The following RCC1 variants were observed in gnomAD, a reference collection of about 807,000 sequenced individuals.
RCC1 encodes the protein regulator of chromosome condensation 1, also known as regulator of chromosome condensation.
A neutral mutation model predicts 44.4 loss-of-function variants in RCC1; 11 were observed. The ratio of observed to expected loss-of-function variants is 0.25; its 90% CI spans 0.16 to 0.41. The LOEUF is 0.41. Among genes scored for constraint, RCC1 ranks in the 10% least tolerant of loss-of-function variants. RCC1 has a pLI of 1.00. For synonymous variants in RCC1, 213 were observed against 216.5 expected (o/e 0.98, Z 0.14); for missense variants, 386 against 547.1 (o/e 0.71, Z 2.94).
At chr1:28,532,931 T>A (rs1664268096) in intron 7 of RCC1, among the ~76,000 whole-genome samples, 1 of 152,094 alleles carries the variant, frequency 6.6e-6, no homozygotes, top group African/African-American at 2.4e-5. Flanking sequence ...TTCTCCTGCC[T>A]CAGCCTCCCA....
intron 4 of RCC1, chr1:28,527,189 C>G: frequency 8.8e-7 from 1 of 1,133,430 alleles, no homozygotes; most frequent in Non-Finnish European, 1.3e-6. Flanking sequence ...ACATGCCGGG[C>G]AACTGATGCT....
Position 28,529,934 on chromosome 1 carries a change from T to G in RCC1, c.68T>G (p.Val23Gly). 1 of 1,613,570 alleles carries G rather than the reference T, an allele frequency of 6.2e-7. No individual in the cohort carries two copies. The highest frequency in any genetic ancestry group is 8.5e-7 in the Non-Finnish European group (1 of 1,179,800). ...PADAIPKSKK[V>G]KVSHRSHSTE... ...GATGCCATCCCCAAAAGCAAGAAGGTGAAGGGTAAGTTGGCCTTGGCCTCT... is the reference window on the plus strand; with the variant it reads ...GATGCCATCCCCAAAAGCAAGAAGGGGAAGGGTAAGTTGGCCTTGGCCTCT... The change falls in exon 5 of 13, where the codon GTG becomes GGG. Residue 23 changes from valine to glycine, a missense_variant. By Grantham distance (109) the Val-to-Gly change is moderately radical. Coordinates refer to ENST00000683442, the MANE Select transcript of RCC1 (RefSeq NM_001381865.2).
intron 3 of RCC1, among the ~76,000 whole-genome samples, chr1:28,515,588 G>A (rs1412197107): frequency 2.0e-5 from 3 of 148,308 alleles, no homozygotes; most frequent in Non-Finnish European, 4.5e-5. Context: ...ATGGTGGTGC[G>A]TGTCTGTAAT....
intron 7 of RCC1, among the ~76,000 whole-genome samples, chr1:28,533,872 TTTTTTTTTTTTTTTTTTTTTTTTG>T (rs1664368245): frequency 4.2e-5 from 1 of 23,782 alleles, no homozygotes; most frequent in African/African-American, 3.3e-4. Flanking sequence ...TTTTTTTTTT[TTTTTTTTTTTTTTTTTTTTTTTTG>T]AGACAGAGTC....
intron 4 of RCC1, among the ~76,000 whole-genome samples, chr1:28,523,198 A>AT (rs1188781963): frequency 9.2e-5 from 14 of 151,556 alleles, no homozygotes; most frequent in South Asian, 2.1e-4. Flanking sequence ...CGCCTGTCTA[A>AT]TTTTTTGTAT....
intron 4 of RCC1, among the ~76,000 whole-genome samples, chr1:28,529,339 G>A (rs186757279): frequency 6.6e-6 from 1 of 150,758 alleles, no homozygotes; most frequent in East Asian, 2.0e-4. Flanking sequence ...GCCCATCACT[G>A]TGCCTGGCTA....
At chr1:28,530,473 C>A in intron 5 of RCC1, 5 of 1,528,676 alleles carry the variant, frequency 3.3e-6, no homozygotes, top group Non-Finnish European at 4.4e-6. Context: ...CAGCACCAAA[C>A]TGGGAGGGGA....
chr1:28,506,935 TGTG>T (rs771337483), intron 1 of RCC1: 24 of 166,916 alleles, frequency 1.4e-4, no homozygotes, highest in Non-Finnish European at 2.3e-4. Flanking sequence ...CGCCTGACCT[TGTG>T]GTCCGCCACG....
chr1:28,526,501 G>T, intron 4 of RCC1: 1 of 581,382 alleles, frequency 1.7e-6, no homozygotes, highest in Non-Finnish European at 3.3e-6. Flanking sequence ...CGGCTAAAGT[G>T]GGAATCCACT....
At position 28,535,053 on chromosome 1, in the gene RCC1, A is replaced by G; in HGVS notation, c.445A>G (p.Asn149Asp). The G allele has an allele frequency of 6.8e-6, 11 of 1,613,798 alleles. No homozygotes were observed. Among genetic ancestry groups the G allele is most frequent in the Non-Finnish European group, 9.3e-6 (11 of 1,179,732 alleles). ...RVFLWGSFRD[N>D]NGVIGLLEPM... is the part of the protein sequence containing the mutation. Reference sequence around the variant, plus strand: ...GTGCCCTGTCCCTCCCTTCTAGGACAATAACGGTGTGATTGGACTGTTGGA... The same window carrying G: ...GTGCCCTGTCCCTCCCTTCTAGGACGATAACGGTGTGATTGGACTGTTGGA... The change falls in exon 8 of 13, where the codon AAT becomes GAT. Residue 149 changes from asparagine to aspartate, a missense_variant. Asn to Asp is a conservative substitution (Grantham distance 23). Coordinates refer to ENST00000683442, the MANE Select transcript of RCC1 (RefSeq NM_001381865.2).
intron 5 of RCC1, chr1:28,530,565 C>T (rs1241121490): frequency 2.5e-6 from 4 of 1,606,568 alleles, no homozygotes; most frequent in Non-Finnish European, 3.4e-6. Context: ...GGCGCCCGCT[C>T]CTGCCAAGGT....
intron 4 of RCC1, among the ~76,000 whole-genome samples, chr1:28,527,503 A>G (rs1315909406): frequency 6.6e-6 from 1 of 152,154 alleles, no homozygotes; most frequent in Admixed American, 6.5e-5. Context: ...TCGACTTCCC[A>G]AAGTGCTAGG....
chr1:28,527,102 G>GT (rs1480452863), intron 4 of RCC1: 1 of 1,058,786 alleles, frequency 9.4e-7, no homozygotes, highest in Non-Finnish European at 1.5e-6. Context: ...ACCACAATAT[G>GT]TTTGTCAAAC....
At chr1:28,527,083 C>T (rs1663713075) in intron 4 of RCC1, 5 of 960,614 alleles carry the variant, frequency 5.2e-6, no homozygotes, top group Admixed American at 3.6e-5. Flanking sequence ...TTTGCTTGAC[C>T]GGAACCAGAC....
intron 3 of RCC1, among the ~76,000 whole-genome samples, chr1:28,516,456 C>T (rs560764138): frequency 3.3e-5 from 5 of 149,816 alleles, no homozygotes; most frequent in African/African-American, 1.2e-4. Context: ...GAGCCGAGAT[C>T]GCACCACTGC....
intron 1 of RCC1, chr1:28,507,204 G>C (rs1342393319): frequency 2.6e-6 from 1 of 381,050 alleles, no homozygotes; most frequent in African/African-American, 2.1e-5. Flanking sequence ...AATTAGAATA[G>C]CTGAATATGC....
At chr1:28,524,718 C>T (rs1007627324) in intron 4 of RCC1, among the ~76,000 whole-genome samples, 7 of 151,956 alleles carry the variant, frequency 4.6e-5, no homozygotes, top group Admixed American at 6.6e-5. Context: ...ATTAGCCGGG[C>T]GTGGTGGTGC....
chr1:28,533,003 CG>C (rs1664273521), intron 7 of RCC1, among the ~76,000 whole-genome samples: 1 of 151,876 alleles, frequency 6.6e-6, no homozygotes, highest in Non-Finnish European at 1.5e-5. Context: ...TTAGTAGAGA[CG>C]GGGTTTCCCC....
intron 4 of RCC1, among the ~76,000 whole-genome samples, chr1:28,527,663 C>A (rs1005604529): frequency 1.3e-5 from 2 of 152,188 alleles, no homozygotes; most frequent in East Asian, 1.9e-4. Flanking sequence ...ATGGATATTT[C>A]ATTTAATGTT....
Sources: allele counts gnomAD v4.1 joint callset (sites outside exome capture counted in the v4.1 genomes callset), GRCh38; gene constraint gnomAD v4.1.1; transcripts MANE v1.5; gene names NCBI Gene and HGNC (gene_info 2026-07-23, HGNC 2026-07-21).